Variants in DYRK1A observed in about 807,000 individuals in gnomAD.
DYRK1A encodes the protein dual specificity tyrosine phosphorylation regulated kinase 1A.
Under a neutral mutation model 79.7 loss-of-function variants are expected in DYRK1A, and 9 were observed. The observed-to-expected ratio is 0.11, with a 90% CI of 0.07 to 0.20. The LOEUF (loss-of-function observed/expected upper bound fraction) is 0.20, where lower values mean the gene tolerates loss of function less well. DYRK1A is among the 10% of genes least tolerant of loss of function. DYRK1A has a pLI of 1.00. For missense variants in DYRK1A, 622 were observed against 956.0 expected (o/e 0.65, Z 4.61); for synonymous variants, 349 against 329.7 (o/e 1.06, Z -0.63).
chr21:37,501,166 G>GTTTTTTTTTTTTGTTTTTTTTTTTTTTTT (rs2053434064), intron 9 of DYRK1A, among the ~76,000 whole-genome samples: 8 of 93,992 alleles, frequency 8.5e-5, no homozygotes, highest in African/African-American at 3.7e-4. Flanking sequence ...GTTGTTGTTG[G>GTTTTTTTTTTTTGTTTTTTTTTTTTTTTT]TTTTTTTTTT....
intron 1 of DYRK1A, among the ~76,000 whole-genome samples, chr21:37,385,934 AT>A (rs1427435901): frequency 6.6e-6 from 1 of 152,162 alleles, no homozygotes; most frequent in Non-Finnish European, 1.5e-5. Flanking sequence ...GACAGCTCAC[AT>A]TAGCATATTG....
chr21:37,486,449 A>T lies in DYRK1A; in HGVS notation c.490-18A>T, dbSNP rs2052868769. On this transcript the variant is annotated intron_variant, in intron 5 of 11. Coordinates refer to ENST00000647188, the MANE Select transcript of DYRK1A (RefSeq NM_001347721.2). ...TTTGCAATTAATGAAATAGAGAATTATTCATCTTCTCTTTTAGGTTGTAAA... is the reference window on the plus strand; with the variant it reads ...TTTGCAATTAATGAAATAGAGAATTTTTCATCTTCTCTTTTAGGTTGTAAA... The T allele has an allele frequency of 2.1e-6, 3 of 1,420,704 alleles. No homozygotes were observed. The highest frequency in any genetic ancestry group is 5.6e-5 in the Admixed American group (2 of 35,796). The allele number at this position is 1,420,704 out of a possible 1,614,324, so 88.0% of individuals were successfully genotyped here.
intron 1 of DYRK1A, among the ~76,000 whole-genome samples, chr21:37,371,714 ATG>A (rs1174049278): frequency 6.6e-6 from 1 of 152,116 alleles, no homozygotes; most frequent in Admixed American, 6.5e-5. Flanking sequence ...ATAGCTTAAA[ATG>A]TGTCTTTGTT....
In DYRK1A at chr21:37,472,752, G is replaced by A. The variant is rs769445831; in HGVS notation, c.79G>A (p.Gly27Ser). ...LAPSFSFHAA[G>S]LQMAGQMPHS... Reference sequence around the variant, plus strand: ...ACCGTCATTTTCATTCCATGCTGCTGGCCTTCAGATGGCTGGACAGATGCC... The same window carrying A: ...ACCGTCATTTTCATTCCATGCTGCTAGCCTTCAGATGGCTGGACAGATGCC... The change falls in exon 3 of 12, where the codon GGC becomes AGC. Residue 27 changes from glycine to serine, a missense_variant. This residue lies in a region of DYRK1A where 91 missense variants were observed against 113.8 expected (regional missense o/e 0.80). Transcript: ENST00000647188. 4.3e-6 allele frequency: 7 copies of A among 1,612,424 alleles called. No homozygotes were observed. Among genetic ancestry groups the A allele is most frequent in the Non-Finnish European group, 5.9e-6 (7 of 1,178,824 alleles).
Position 37,517,057 on chromosome 21 carries a change from C to T in DYRK1A, c.*4526C>T, listed in dbSNP as rs2053888158. On this transcript the variant is annotated 3_prime_UTR_variant, in exon 12 of 12. Coordinates refer to ENST00000647188, the MANE Select transcript of DYRK1A (RefSeq NM_001347721.2). ...GAATTTCCTGTCATCCCCAGCAAAA[C>T]CTGTGAATCCTTCTTCAAAGCATAG... is the stretch of plus-strand genomic sequence containing the variant. 1 of 152,194 alleles carries T rather than the reference C, an allele frequency of 6.6e-6. No homozygotes were observed. The highest frequency in any genetic ancestry group is 1.5e-5 in the Non-Finnish European group (1 of 68,048). 9.4% of individuals were successfully genotyped at this position (152,194 alleles called of 1,614,324 possible).
intron 1 of DYRK1A, among the ~76,000 whole-genome samples, chr21:37,370,297 T>C (rs2049404217): frequency 6.6e-6 from 1 of 152,178 alleles, no homozygotes; most frequent in African/African-American, 2.4e-5. Flanking sequence ...ACCTTTTTTT[T>C]TTTTTTAAGA....
At chr21:37,422,309 A>G (rs1398468643) in intron 2 of DYRK1A, among the ~76,000 whole-genome samples, 2 of 152,196 alleles carry the variant, frequency 1.3e-5, no homozygotes, top group African/African-American at 4.8e-5. Context: ...ACATAAAATT[A>G]ACAGCTTTCA....
At chr21:37,454,779 C>T (rs948360811) in intron 2 of DYRK1A, among the ~76,000 whole-genome samples, 6 of 152,052 alleles carry the variant, frequency 3.9e-5, no homozygotes, top group Non-Finnish European at 7.4e-5. Flanking sequence ...TTATGTGCTG[C>T]GGAAAACCAG....
At chr21:37,468,691 T>C (rs534913240) in intron 2 of DYRK1A, among the ~76,000 whole-genome samples, 2 of 152,320 alleles carry the variant, frequency 1.3e-5, no homozygotes, top group East Asian at 1.9e-4. Context: ...TTGATTCCTA[T>C]TTTACACAGA....
chr21:37,446,310 T>C (rs1162789972), intron 2 of DYRK1A, among the ~76,000 whole-genome samples: 1 of 152,360 alleles, frequency 6.6e-6, no homozygotes, highest in East Asian at 1.9e-4. Context: ...ATTTGCTTTT[T>C]TTCTAGAATG....
intron 3 of DYRK1A, 81 bp downstream of exon 3, chr21:37,472,961 T>A (rs2052278703): frequency 9.0e-7 from 1 of 1,106,012 alleles, no homozygotes; most frequent in African/African-American, 1.6e-5. Context: ...GTAGGCAAAA[T>A]GCTTTAATGG....
In DYRK1A at chr21:37,514,537, C is replaced by G. The variant is rs1044993142; in HGVS notation, c.*2006C>G. 6.6e-6 allele frequency: 1 copy of G among 152,450 alleles called. No homozygotes were observed. The highest frequency in any genetic ancestry group is 1.5e-5 in the Non-Finnish European group (1 of 68,004). 9.4% of individuals were successfully genotyped at this position (152,450 alleles called of 1,614,324 possible). A position where few individuals can be genotyped will look rare whatever the true frequency, so the allele number is the denominator to read the frequency against. The stretch of plus-strand genomic sequence containing the variant: ...TGACTAGGTCAATTTTTTTTCTGAA[C>G]AAAAGCAGGTTTTTATATGTAAACA... On this transcript the variant is annotated 3_prime_UTR_variant, in exon 12 of 12. Transcript: ENST00000647188.
At chr21:37,477,201 C>T (rs1000748987) in intron 3 of DYRK1A, among the ~76,000 whole-genome samples, 1 of 152,098 alleles carries the variant, frequency 6.6e-6, no homozygotes, top group Non-Finnish European at 1.5e-5. Context: ...CCGATTGACC[C>T]GAGTGTCCTT....
rs568914717 is a variant in DYRK1A, at chr21:37,498,397, A to C, written c.1212+2139A>C. ...TACTTTCTGATTTCTATCATCAAAG[A>C]CTAGCTTTGCTTTTTCATTGGCAAA... On this transcript the variant is annotated intron_variant, in intron 9 of 11. Transcript: ENST00000647188. 2.9e-3 allele frequency among the ~76,000 whole-genome samples: 437 copies of C among 152,316 alleles called. 1 individual carries two copies. Among genetic ancestry groups the C allele is most frequent in the African/African-American group, 0.01 (418 of 41,570 alleles).
intron 2 of DYRK1A, among the ~76,000 whole-genome samples, chr21:37,455,530 C>T (rs981698898): frequency 6.6e-6 from 1 of 152,118 alleles, no homozygotes; most frequent in Non-Finnish European, 1.5e-5. Flanking sequence ...ACCGCTGAGT[C>T]ATTCTTGAAT....
chr21:37,508,362 A>G (rs1166739537), intron 11 of DYRK1A, among the ~76,000 whole-genome samples: 2 of 152,092 alleles, frequency 1.3e-5, no homozygotes, highest in Admixed American at 6.5e-5. Context: ...ATCTCTGCTC[A>G]TTGCAACTTC....
intron 11 of DYRK1A, among the ~76,000 whole-genome samples, chr21:37,507,707 T>G (rs2053637930): frequency 7.4e-6 from 1 of 134,270 alleles, no homozygotes; most frequent in Non-Finnish European, 1.6e-5. Flanking sequence ...GTCTGTTTCG[T>G]TTTTTTTCTT....
At chr21:37,454,550 C>A (rs1045262527) in intron 2 of DYRK1A, among the ~76,000 whole-genome samples, 2 of 152,088 alleles carry the variant, frequency 1.3e-5, no homozygotes, top group South Asian at 4.1e-4. Context: ...GTTATGACCT[C>A]ACATTTTCAG....
At chr21:37,480,153 A>C (rs2052585420) in intron 4 of DYRK1A, among the ~76,000 whole-genome samples, 1 of 152,228 alleles carries the variant, frequency 6.6e-6, no homozygotes, top group Non-Finnish European at 1.5e-5. Flanking sequence ...ATATAAATAA[A>C]TTCATGCAAG....
Sources: gnomAD v4.1 joint callset for allele counts (sites outside exome capture counted in the v4.1 genomes callset) on GRCh38, gnomAD v4.1.1 for gene constraint, gnomAD v4.1.1 regional missense constraint, MANE v1.5 for transcripts, NCBI Gene and HGNC (gene_info 2026-07-23, HGNC 2026-07-21) for gene names.